MMP26: variants seen among roughly 807,000 people sequenced by gnomAD.
MMP26 encodes matrix metallopeptidase 26, also known as matrix metalloproteinase-26.
Under a neutral mutation model 31.0 loss-of-function variants are expected in MMP26, and 33 were observed. The observed-to-expected ratio is 1.06, with a 90% CI of 0.81 to 1.42. The LOEUF is 1.42. MMP26 is among the 40% of genes most tolerant of loss of function. The pLI, the probability that MMP26 is intolerant of heterozygous loss-of-function variation, is 0.00. For synonymous variants in MMP26, 122 were observed against 114.9 expected (o/e 1.06, Z -0.40); for missense variants, 347 against 316.1 (o/e 1.10, Z -0.74).
chr11:4,795,885 C>T (rs539499926), intron 2 of MMP26, among the ~76,000 whole-genome samples: 3 of 151,696 alleles, frequency 2.0e-5, no homozygotes, highest in Non-Finnish European at 2.9e-5. Flanking sequence ...AACAATCAGC[C>T]ACATTATTCT....
chr11:4,991,341 CATT>C, intron 5 of MMP26, 27 bp from the exon 6 acceptor site: 1 of 1,603,922 alleles, frequency 6.2e-7, no homozygotes, highest in Non-Finnish European at 8.5e-7. Flanking sequence ...CCTCCACCCT[CATT>C]GTGATCATAG....
intron 2 of MMP26, chr11:4,945,995 T>A: frequency 1.5e-6 from 1 of 682,030 alleles, no homozygotes; most frequent in East Asian, 2.7e-5. Context: ...ACGTACTTCC[T>A]GTTTATAGTT....
At chr11:4,951,234 A>T (rs35043318) in intron 2 of MMP26, among the ~76,000 whole-genome samples, 1 of 124,022 alleles carries the variant, frequency 8.1e-6, no homozygotes, top group South Asian at 2.4e-4. Flanking sequence ...GCCTTACCAT[A>T]AAGATTGAAA....
chr11:4,943,122 C>A, intron 2 of MMP26: 1 of 175,956 alleles, frequency 5.7e-6, no homozygotes, highest in Non-Finnish European at 1.2e-5. Context: ...TGTAGTGTTC[C>A]ATCCCTTACA....
At chr11:4,800,445 C>T (rs1057299141) in intron 2 of MMP26, among the ~76,000 whole-genome samples, 1 of 152,200 alleles carries the variant, frequency 6.6e-6, no homozygotes, top group Non-Finnish European at 1.5e-5. Context: ...CAAGGCTACA[C>T]AGGAGAGTGG....
At chr11:4,989,933 G>A in intron 4 of MMP26, 65 bp downstream of exon 4, 3 of 1,333,544 alleles carry the variant, frequency 2.2e-6, no homozygotes, top group South Asian at 1.3e-5. Flanking sequence ...TTTCTACCAG[G>A]TCTCTCCTGG....
chr11:4,989,429 T>C (rs538303451), intron 3 of MMP26, among the ~76,000 whole-genome samples: 1 of 152,302 alleles, frequency 6.6e-6, no homozygotes, highest in African/African-American at 2.4e-5. Flanking sequence ...TTATAGTTTA[T>C]CCATGTTATT....
intron 2 of MMP26, among the ~76,000 whole-genome samples, chr11:4,928,015 A>G (rs1013938821): frequency 2.0e-5 from 3 of 151,760 alleles, no homozygotes; most frequent in African/African-American, 7.2e-5. Flanking sequence ...AGACCTAGCC[A>G]GGCCTGAAGA....
At chr11:4,868,190 A>G (rs1014923220) in intron 2 of MMP26, among the ~76,000 whole-genome samples, 5 of 152,186 alleles carry the variant, frequency 3.3e-5, no homozygotes, top group Non-Finnish European at 7.3e-5. Context: ...TGGGAGCTGA[A>G]TGATGAGAAC....
chr11:4,992,199 T>A lies in MMP26; in HGVS notation c.758-15T>A. ...ACCTGAAATTTACTGTTGTTTTTTT[T>A]TTCTGTTTCCATAGGAGAAAAATGT... On this transcript the variant is annotated splice_polypyrimidine_tract_variant and intron_variant, in intron 7 of 7. Coordinates refer to ENST00000380390, the MANE Select transcript of MMP26 (RefSeq NM_021801.5). 6.2e-7 allele frequency: 1 copy of A among 1,612,056 alleles called. No homozygotes were observed. Among genetic ancestry groups the A allele is most frequent in the Non-Finnish European group, 8.5e-7 (1 of 1,179,342 alleles).
chr11:4,897,921 A>T (rs919955903), intron 2 of MMP26, among the ~76,000 whole-genome samples: 1 of 148,600 alleles, frequency 6.7e-6, no homozygotes, highest in African/African-American at 2.4e-5. Flanking sequence ...ATAAATAGAA[A>T]TAATAAATAA....
Position 4,775,444 on chromosome 11 carries a change from A to G in MMP26, c.-145+8103A>G, listed in dbSNP as rs148246625. ...CTCTCTTCTTGCCAGTTGTTGATGTATCAGAATGCTTGTGACTTCTGCACA... is the reference window on the plus strand; with the variant it reads ...CTCTCTTCTTGCCAGTTGTTGATGTGTCAGAATGCTTGTGACTTCTGCACA... On this transcript the variant is annotated intron_variant, in intron 2 of 7. Transcript: ENST00000380390. 1.2e-3 allele frequency among the ~76,000 whole-genome samples: 181 copies of G among 152,290 alleles called. 4 individuals carry two copies. In the East Asian group the frequency reaches 0.03, roughly 25 times the overall value.
chr11:4,956,194 T>A (rs1846440672), intron 2 of MMP26, among the ~76,000 whole-genome samples: 1 of 152,144 alleles, frequency 6.6e-6, no homozygotes, highest in Non-Finnish European at 1.5e-5. Flanking sequence ...GAGTGGATAT[T>A]TTGGCGGGCA....
At chr11:4,750,902 C>T (rs1201924517) in intron 1 of MMP26, among the ~76,000 whole-genome samples, 2 of 150,372 alleles carry the variant, frequency 1.3e-5, no homozygotes, top group Non-Finnish European at 3.0e-5. Flanking sequence ...AAAACTTTGC[C>T]CCCTAAATCT....
chr11:4,894,000 G>A (rs1310075642), intron 2 of MMP26, among the ~76,000 whole-genome samples: 1 of 151,856 alleles, frequency 6.6e-6, no homozygotes, highest in Non-Finnish European at 1.5e-5. Context: ...CAATGTTAGT[G>A]CAATATACAA....
At chr11:4,885,632 G>GA (rs929123048) in intron 2 of MMP26, among the ~76,000 whole-genome samples, 43 of 151,860 alleles carry the variant, frequency 2.8e-4, no homozygotes, top group Non-Finnish European at 5.9e-4. Flanking sequence ...GCATTTCTCA[G>GA]AAAAAAATCC....
Position 4,992,217 on chromosome 11 carries a change from A to C in MMP26, c.761A>C (p.Glu254Ala). The change falls in exon 8 of 8, where the codon GAA becomes GCA. Residue 254 changes from glutamate to alanine, a missense_variant. Physicochemically the swap from Glu to Ala is moderately radical, Grantham distance 107. Transcript: ENST00000380390. The stretch of plus-strand genomic sequence containing the variant: ...TTTTTTTTTTCTGTTTCCATAGGAG[A>C]AAAATGTTCATCTGACATACCTTAA... ...DIQRIQHLYG[E>A]KCSSDIP is the part of the protein sequence containing the mutation. 1 of 1,610,154 alleles carries C rather than the reference A, an allele frequency of 6.2e-7. No individual in the cohort carries two copies. Among genetic ancestry groups the C allele is most frequent in the South Asian group, 1.1e-5 (1 of 90,634 alleles).
chr11:4,761,202 AT>A (rs1295424636), intron 1 of MMP26, among the ~76,000 whole-genome samples: 1 of 152,154 alleles, frequency 6.6e-6, no homozygotes, highest in Non-Finnish European at 1.5e-5. Context: ...TTTGTCTTTA[AT>A]TTCACTTCCA....
chr11:4,724,224 G>A (rs991660544), intron 1 of MMP26: 1 of 469,502 alleles, frequency 2.1e-6, no homozygotes, highest in Non-Finnish European at 3.8e-6. Context: ...AGGTGGATGG[G>A]CCTTTGATCT....
Sources: allele counts gnomAD v4.1 joint callset (sites outside exome capture counted in the v4.1 genomes callset), GRCh38; gene constraint gnomAD v4.1.1; transcripts MANE v1.5; gene names NCBI Gene and HGNC (gene_info 2026-07-23, HGNC 2026-07-21).